Variants in NRXN3 observed in about 807,000 individuals in gnomAD.
NRXN3 encodes the protein neurexin 3.
Under a neutral mutation model 137.6 loss-of-function variants are expected in NRXN3, and 32 were observed. The ratio of observed to expected loss-of-function variants is 0.23; its 90% confidence interval spans 0.18 to 0.31. NRXN3 has a LOEUF of 0.31. NRXN3 is among the 10% of genes least tolerant of loss of function. The pLI is 1.00. For synonymous variants in NRXN3, 798 were observed against 784.5 expected (o/e 1.02, Z -0.29); for missense variants, 1,574 against 2,062.5 (o/e 0.76, Z 4.59).
At chr14:79,707,688 G>A (rs922099228) in intron 19 of NRXN3, among the ~76,000 whole-genome samples, 1 of 152,116 alleles carries the variant, frequency 6.6e-6, no homozygotes, top group Non-Finnish European at 1.5e-5. Context: ...TTGCTAGTTT[G>A]TGGTCTCTGA....
intron 6 of NRXN3, among the ~76,000 whole-genome samples, chr14:78,681,565 T>G (rs1602350065): frequency 1.3e-5 from 2 of 152,134 alleles, no homozygotes; most frequent in African/African-American, 4.8e-5. Flanking sequence ...GAAACATAAG[T>G]ATTTTTCGTT....
intron 15 of NRXN3, chr14:79,280,306 C>T (rs1384501571): frequency 6.2e-7 from 1 of 1,614,106 alleles, no homozygotes; most frequent in Admixed American, 1.7e-5. Flanking sequence ...ACCTGAGAAT[C>T]CACGCGAGAC....
At chr14:79,675,181 A>G (rs543481147) in intron 17 of NRXN3, among the ~76,000 whole-genome samples, 16 of 152,180 alleles carry the variant, frequency 1.1e-4, no homozygotes, top group Admixed American at 2.0e-4. Flanking sequence ...TATTTAGATT[A>G]GGGATCACCA....
intron 6 of NRXN3, chr14:78,708,461 C>A (rs1015155203): frequency 6.6e-6 from 1 of 152,094 alleles, no homozygotes; most frequent in Admixed American, 6.5e-5. Context: ...GACCTCTGTC[C>A]CCACCAGCTT....
chr14:79,539,713 C>T (rs17109409), intron 16 of NRXN3, among the ~76,000 whole-genome samples: 3,906 of 152,160 alleles, frequency 0.026, 126 homozygotes, highest in East Asian at 0.13. Context: ...AGAAATTCCT[C>T]ATTATAATTG....
chr14:78,937,154 G>A (rs154342), intron 10 of NRXN3, among the ~76,000 whole-genome samples: 16,666 of 147,508 alleles, frequency 0.11, 1,220 homozygotes, highest in African/African-American at 0.2. Context: ...CCCAAGAGGC[G>A]TAGGTTGCAG....
rs1296188830 is a variant in NRXN3 at position 78,879,370 on chromosome 14, CT to C, written c.2275+69030del. Among the ~76,000 whole-genome samples the C allele has an allele frequency of 1.0e-3, 153 of 152,230 alleles. 4 individuals carry two copies. The highest frequency in any genetic ancestry group is 1.3e-4 in the Non-Finnish European group (9 of 68,006). On this transcript the variant is annotated intron_variant, in intron 10 of 20. Coordinates refer to ENST00000335750, the MANE Select transcript of NRXN3 (RefSeq NM_001330195.2). ...TCTCTACATCCTTGCTAATACTTAT[CT>C]TTTATCTTTATGATAACAACTAATC...
rs181479432 is a variant in NRXN3 at position 79,361,807 on chromosome 14, A to C, written c.3263-105414A>C. ...GAGCAATGACCAGATATAAGGGAAC[A>C]ATGTGTTTTTACTTGGATTGTAGAT... On this transcript the variant is annotated intron_variant, in intron 15 of 20. Transcript: ENST00000335750. 1.5e-4 allele frequency among the ~76,000 whole-genome samples: 23 copies of C among 152,208 alleles called. No homozygotes were observed. The East Asian group carries it at 4.4e-3, about 29-fold the overall frequency.
intron 15 of NRXN3, among the ~76,000 whole-genome samples, chr14:79,244,623 G>T (rs2074880303): frequency 6.6e-6 from 1 of 152,124 alleles, no homozygotes; most frequent in Admixed American, 6.6e-5. Flanking sequence ...CTTAGTGCTA[G>T]ATCTGTACTG....
intron 15 of NRXN3, among the ~76,000 whole-genome samples, chr14:79,377,256 G>A (rs561733215): frequency 2.6e-5 from 4 of 152,268 alleles, no homozygotes; most frequent in African/African-American, 9.6e-5. Flanking sequence ...TTTCACAGAA[G>A]ATATTGAGCT....
chr14:78,285,686 A>G (rs550351499), intron 3 of NRXN3, among the ~76,000 whole-genome samples: 2 of 152,358 alleles, frequency 1.3e-5, no homozygotes, highest in East Asian at 3.9e-4. Flanking sequence ...AACAGTGCTT[A>G]GGACTCAGCT....
At chr14:78,261,410 A>G (rs1473016110) in intron 2 of NRXN3, among the ~76,000 whole-genome samples, 1 of 152,114 alleles carries the variant, frequency 6.6e-6, no homozygotes, top group African/African-American at 2.4e-5. Context: ...CTCATTGGCC[A>G]TCATTGAGAT....
intron 4 of NRXN3, among the ~76,000 whole-genome samples, chr14:78,505,570 A>G (rs1226392319): frequency 6.6e-6 from 1 of 152,220 alleles, no homozygotes; most frequent in Non-Finnish European, 1.5e-5. Flanking sequence ...TAGATGAGCA[A>G]GATGATAAAG....
intron 2 of NRXN3, among the ~76,000 whole-genome samples, chr14:78,269,757 G>T (rs1298635261): frequency 6.6e-6 from 1 of 152,104 alleles, no homozygotes; most frequent in African/African-American, 2.4e-5. Flanking sequence ...ATTTTGTATT[G>T]AATTGAAAAG....
intron 15 of NRXN3, among the ~76,000 whole-genome samples, chr14:79,184,368 AACATTT>A (rs1293863310): frequency 6.6e-6 from 1 of 152,222 alleles, no homozygotes; most frequent in African/African-American, 2.4e-5. Flanking sequence ...ATTCCAAGAT[AACATTT>A]GCTAGATGTG....
In NRXN3 at chr14:78,474,380, A is replaced by G. The variant is rs1392972237; in HGVS notation, c.758-170740A>G. ...ATCACTGGCTCCTCATTGTTGGTCC[A>G]TGGACCAATGTTATATTAACTGCTA... On this transcript the variant is annotated intron_variant, in intron 4 of 20. Coordinates refer to ENST00000335750, the MANE Select transcript of NRXN3 (RefSeq NM_001330195.2). Among the ~76,000 whole-genome samples the G allele has an allele frequency of 2.6e-5, 4 of 152,240 alleles. No homozygotes were observed. The East Asian group carries it at 7.7e-4, about 29-fold the overall frequency.
chr14:78,289,517 T>C (rs2075564734), intron 3 of NRXN3, among the ~76,000 whole-genome samples: 1 of 152,214 alleles, frequency 6.6e-6, no homozygotes. Flanking sequence ...TCTGACTCTT[T>C]TTTATGGCAT....
intron 15 of NRXN3, among the ~76,000 whole-genome samples, chr14:79,382,207 A>G (rs1349407382): frequency 6.6e-6 from 1 of 152,198 alleles, no homozygotes; most frequent in East Asian, 1.9e-4. Flanking sequence ...GTAAAATGTT[A>G]GCTGCAGTGG....
intron 19 of NRXN3, among the ~76,000 whole-genome samples, chr14:79,761,454 A>G (rs1829204271): frequency 6.6e-6 from 1 of 151,596 alleles, no homozygotes; most frequent in Non-Finnish European, 1.5e-5. Flanking sequence ...GACCAACAGT[A>G]GGTGGATTTC....
Sources: gnomAD v4.1 joint callset for allele counts (sites outside exome capture counted in the v4.1 genomes callset) on GRCh38, gnomAD v4.1.1 for gene constraint, MANE v1.5 for transcripts, NCBI Gene and HGNC (gene_info 2026-07-23, HGNC 2026-07-21) for gene names.